The following ADAM32 variants were observed in gnomAD, a reference collection of about 807,000 sequenced individuals.
The protein encoded by ADAM32 is ADAM metallopeptidase domain 32, also known as disintegrin and metalloproteinase domain-containing protein 32.
Under a neutral mutation model 114.9 loss-of-function variants are expected in ADAM32, and 89 were observed. That is an observed-to-expected ratio of 0.77 (90% CI 0.65 to 0.92). The LOEUF is 0.92. ADAM32 is among the 40% of genes least tolerant of loss of function. The probability of loss-of-function intolerance (pLI) is 0.00; values close to 1 mark genes in which losing one functional copy is unlikely to be tolerated. For synonymous variants in ADAM32, 285 were observed against 307.5 expected, an observed-to-expected ratio of 0.93 and a Z score of 0.77; for missense variants, 870 against 932.8, an observed-to-expected ratio of 0.93 and a Z score of 0.88.
chr8:39,276,836 A>C (rs752616633), intron 22 of ADAM32, among the ~76,000 whole-genome samples: 5 of 152,206 alleles, frequency 3.3e-5, no homozygotes, highest in Non-Finnish European at 7.3e-5. Context: ...AGCGAGCCTC[A>C]GTGACCTTTT....
chr8:39,211,046 C>G (rs762603712), intron 11 of ADAM32, 98 bp from the exon 12 acceptor site: 33 of 1,066,300 alleles, frequency 3.1e-5, no homozygotes, highest in Non-Finnish European at 4.1e-5. Flanking sequence ...ACATTTGTAA[C>G]AGCCAATTGA....
chr8:39,232,742 A>T (rs1809830958), intron 15 of ADAM32, among the ~76,000 whole-genome samples: 1 of 152,266 alleles, frequency 6.6e-6, no homozygotes, highest in South Asian at 2.1e-4. Context: ...TTTGACTCAG[A>T]TGGTGTCTCC....
intron 11 of ADAM32, among the ~76,000 whole-genome samples, chr8:39,202,288 A>G (rs1388132826): frequency 6.6e-6 from 1 of 151,992 alleles, no homozygotes; most frequent in Non-Finnish European, 1.5e-5. Flanking sequence ...GCTCTTAGTT[A>G]TTGCCTCAAT....
At chr8:39,171,844 G>A (rs935783579) in intron 10 of ADAM32, among the ~76,000 whole-genome samples, 1 of 150,752 alleles carries the variant, frequency 6.6e-6, no homozygotes, top group African/African-American at 2.4e-5. Context: ...TTAATTTTAT[G>A]TAATATCTAT....
chr8:39,214,331 A>G (rs1263955344), intron 12 of ADAM32, among the ~76,000 whole-genome samples: 1 of 152,148 alleles, frequency 6.6e-6, no homozygotes, highest in Non-Finnish European at 1.5e-5. Flanking sequence ...CCTTTTCTCC[A>G]TATCTTCACT....
At position 39,275,830 on chromosome 8, in the gene ADAM32, C is replaced by G. The variant is rs575773128; in HGVS notation, c.2243C>G (p.Thr748Ser). 574 of 1,557,568 alleles carry G rather than the reference C, an allele frequency of 3.7e-4. 8 individuals are homozygous for G. In the South Asian group the frequency reaches 6.5e-3, roughly 18 times the overall value. ...EGSTQTYASQ[T>S]RSESSSQADT... ...ATTACTTTTTCGCTTTCTTTTAGAA[C>G]CAGATCAGAAAGCAGCAGTCAAGCT... Residue 748 changes from threonine (T) to serine (S), a missense_variant and splice_region_variant, in exon 22 of 25, where the codon ACC becomes AGC. Physicochemically the swap from Thr to Ser is moderately conservative, Grantham distance 58. Coordinates refer to ENST00000379907, the MANE Select transcript of ADAM32 (RefSeq NM_145004.7).
At chr8:39,131,774 G>C (rs1274244625) in intron 2 of ADAM32, among the ~76,000 whole-genome samples, 1 of 151,962 alleles carries the variant, frequency 6.6e-6, no homozygotes, top group Non-Finnish European at 1.5e-5. Context: ...TCTGATATTA[G>C]TATAACTTCT....
At chr8:39,139,678 G>A (rs1353231532) in intron 3 of ADAM32, among the ~76,000 whole-genome samples, 1 of 152,080 alleles carries the variant, frequency 6.6e-6, no homozygotes, top group East Asian at 1.9e-4. Flanking sequence ...GGTTCCATAT[G>A]AACTTTAAAG....
chr8:39,143,812 C>T (rs1208083290), intron 3 of ADAM32, among the ~76,000 whole-genome samples: 1 of 152,164 alleles, frequency 6.6e-6, no homozygotes, highest in Non-Finnish European at 1.5e-5. Flanking sequence ...ATGCCCTGCC[C>T]CCAGAGGTGG....
rs747582335 is a variant in ADAM32, at chr8:39,223,052, G to A, written c.1339G>A (p.Gly447Ser). The A allele has an allele frequency of 1.3e-6, 2 of 1,580,062 alleles. No homozygotes were observed. Among genetic ancestry groups the A allele is most frequent in the Non-Finnish European group, 1.7e-6 (2 of 1,164,188 alleles). ...TAACTTCTCTTAGATTTTACAATCA[G>A]GCGTTGAATGTAGGCCGAAAGCACA... ...CCKDCQILQS[G>S]VECRPKAHPE... Residue 447 changes from glycine to serine, a missense_variant, in exon 14 of 25, where the codon GGC (glycine) becomes AGC (serine). Coordinates refer to ENST00000379907, the MANE Select transcript of ADAM32 (RefSeq NM_145004.7).
chr8:39,127,688 C>A (rs1348127969), intron 2 of ADAM32, among the ~76,000 whole-genome samples: 1 of 151,604 alleles, frequency 6.6e-6, no homozygotes, highest in Non-Finnish European at 1.5e-5. Context: ...TCAGTTCTGC[C>A]CTGATTTTGG....
intron 2 of ADAM32, among the ~76,000 whole-genome samples, chr8:39,118,427 G>A (rs555734474): frequency 7.2e-5 from 11 of 152,142 alleles, no homozygotes; most frequent in Non-Finnish European, 1.5e-4. Flanking sequence ...TGTTTTATCT[G>A]AGTGATATCT....
At chr8:39,124,125 C>T (rs933439262) in intron 2 of ADAM32, among the ~76,000 whole-genome samples, 19 of 151,960 alleles carry the variant, frequency 1.3e-4, no homozygotes, top group Non-Finnish European at 2.5e-4. Flanking sequence ...ATCATCCCAT[C>T]ACCTAGGTAT....
At position 39,164,697 on chromosome 8, in the gene ADAM32, G is replaced by A. The variant is rs1175928528; in HGVS notation, c.595-67G>A. 4 of 1,256,800 alleles carry A rather than the reference G, an allele frequency of 3.2e-6. No individual in the cohort carries two copies. In the African/African-American group the frequency reaches 4.6e-5, roughly 14 times the overall value. The allele number at this position is 1,256,800 out of a possible 1,614,324, so 77.9% of individuals were successfully genotyped here. A position where few individuals can be genotyped will look rare whatever the true frequency, so the allele number is the denominator to read the frequency against. On this transcript the variant is annotated intron_variant, in intron 7 of 24. Transcript: ENST00000379907. ...CAGCCTTACACCTCTGACAGTAGAT[G>A]GAAAAGAATCTTAAAAATACTACAT...
At position 39,129,746 on chromosome 8, in the gene ADAM32, A is replaced by C. The variant is rs923782688; in HGVS notation, c.139-6911A>C. The C allele has an allele frequency of 4.2e-5, 10 of 236,754 alleles. No homozygotes were observed. In the South Asian group the frequency reaches 4.9e-4, roughly 12 times the overall value. The allele number at this position is 236,754 out of a possible 1,614,324, so 14.7% of individuals were successfully genotyped here. On this transcript the variant is annotated intron_variant, in intron 2 of 24. Coordinates refer to ENST00000379907, the MANE Select transcript of ADAM32 (RefSeq NM_145004.7). ...TTTGAAAGAATTGTGAAGGATTAAT[A>C]TTATTTCCTTAAACATTTGATAGCA...
At chr8:39,213,069 T>C (rs1313397161) in intron 12 of ADAM32, among the ~76,000 whole-genome samples, 2 of 152,194 alleles carry the variant, frequency 1.3e-5, no homozygotes, top group Non-Finnish European at 2.9e-5. Context: ...ATTTCTGGGA[T>C]ACAGTGCAGT....
chr8:39,274,228 T>C, intron 20 of ADAM32, 84 bp from the exon 21 acceptor site: 1 of 1,287,590 alleles, frequency 7.8e-7, no homozygotes, highest in Non-Finnish European at 1.1e-6. Context: ...ATAATACTAA[T>C]TATAAAATGG....
intron 17 of ADAM32, among the ~76,000 whole-genome samples, chr8:39,252,045 C>T (rs184805384): frequency 2.6e-5 from 4 of 151,478 alleles, no homozygotes; most frequent in African/African-American, 7.3e-5. Flanking sequence ...TATTTGTAGC[C>T]GGATTCTTTA....
chr8:39,275,687 C>G (rs4733913), intron 21 of ADAM32, 141 bp from the exon 22 acceptor site: 177,473 of 747,388 alleles, frequency 0.24, 21,610 homozygotes, highest in East Asian at 0.28. Flanking sequence ...ATTTAGTAGT[C>G]TTTTGAAATT....
Sources: gnomAD v4.1 joint callset for allele counts (sites outside exome capture counted in the v4.1 genomes callset) on GRCh38, gnomAD v4.1.1 for gene constraint, MANE v1.5 for transcripts, NCBI Gene and HGNC (gene_info 2026-07-23, HGNC 2026-07-21) for gene names.